Variants in MTUS2 observed in about 807,000 individuals in gnomAD.
MTUS2 encodes the protein microtubule associated scaffold protein 2.
MTUS2 carries 40 observed loss-of-function variants against 114.1 expected under a neutral mutation model. That is an observed-to-expected ratio of 0.35 (90% CI 0.27 to 0.46). The LOEUF is 0.46. Ranked by LOEUF, MTUS2 falls within the 20% of genes least tolerant of loss-of-function variation. The pLI is 1.00. For missense variants in MTUS2, 1,679 were observed against 1,705.4 expected, an observed-to-expected ratio of 0.98 and a Z score of 0.27; for synonymous variants, 688 against 672.0, an observed-to-expected ratio of 1.02 and a Z score of -0.37.
At chr13:29,190,136 T>A (rs986032109) in intron 5 of MTUS2, among the ~76,000 whole-genome samples, 2 of 152,212 alleles carry the variant, frequency 1.3e-5, no homozygotes, top group Non-Finnish European at 2.9e-5. Context: ...TAAATGTCTA[T>A]TGTTTAAACA....
rs1393257105 is a variant in MTUS2, at chr13:29,480,785, A to G, written c.3399+421A>G. 2.0e-5 allele frequency among the ~76,000 whole-genome samples: 3 copies of G among 151,594 alleles called. No individual in the cohort carries two copies. Among genetic ancestry groups the G allele is most frequent in the Non-Finnish European group, 2.9e-5 (2 of 67,934 alleles). On this transcript the variant is annotated intron_variant, in intron 10 of 15. Coordinates refer to ENST00000612955, the MANE Select transcript of MTUS2 (RefSeq NM_001033602.4). The surrounding 1 kb of genome is among the most constrained non-coding windows in gnomAD (Gnocchi z 4.4). Reference sequence around the variant, plus strand: ...CTAACACATACATTTTTGCTTTTCTACCTTATTTATCATCTTTCTATTCCA... The same window carrying G: ...CTAACACATACATTTTTGCTTTTCTGCCTTATTTATCATCTTTCTATTCCA...
intron 2 of MTUS2, among the ~76,000 whole-genome samples, chr13:28,904,248 G>A (rs1879836499): frequency 1.3e-5 from 2 of 152,168 alleles, no homozygotes; most frequent in East Asian, 3.8e-4. Flanking sequence ...TTGCTGTGCA[G>A]AAGCTCTTTA....
In MTUS2 at chr13:29,412,929, T is replaced by G. The variant is rs1875371590; in HGVS notation, c.3118-27054T>G. ...TCTCGTCTTTACCAGCTTCACAGGC[T>G]ACCCATATTCCTGGACTCATGGCCC... is the stretch of plus-strand genomic sequence containing the variant. On this transcript the variant is annotated intron_variant, in intron 8 of 15. Coordinates refer to ENST00000612955, the MANE Select transcript of MTUS2 (RefSeq NM_001033602.4). 2.0e-5 allele frequency among the ~76,000 whole-genome samples: 3 copies of G among 152,306 alleles called. No individual in the cohort carries two copies. In the South Asian group the frequency reaches 6.2e-4, roughly 32 times the overall value.
intron 2 of MTUS2, among the ~76,000 whole-genome samples, chr13:28,898,371 T>C (rs1173629005): frequency 6.6e-6 from 1 of 152,216 alleles, no homozygotes; most frequent in East Asian, 1.9e-4. Context: ...AAAACCTTTC[T>C]TGTCTCAGCT....
chr13:28,841,677 T>TG (rs398117143), intron 2 of MTUS2, among the ~76,000 whole-genome samples: 47 of 147,998 alleles, frequency 3.2e-4, no homozygotes, highest in Non-Finnish European at 4.5e-4. Flanking sequence ...TGTGTGTGTG[T>TG]TTTTTTTTGT....
chr13:29,143,836 G>A (rs977274841), intron 5 of MTUS2, among the ~76,000 whole-genome samples: 1 of 152,210 alleles, frequency 6.6e-6, no homozygotes, highest in African/African-American at 2.4e-5. Context: ...TTTTAATGAA[G>A]ATAAGTGACT....
At chr13:29,189,392 G>C (rs1018317943) in intron 5 of MTUS2, among the ~76,000 whole-genome samples, 1 of 152,054 alleles carries the variant, frequency 6.6e-6, no homozygotes, top group Non-Finnish European at 1.5e-5. Context: ...GGAGTGATAT[G>C]CTCCCATGCA....
chr13:29,319,476 C>T (rs1593297891), intron 6 of MTUS2, among the ~76,000 whole-genome samples: 1 of 152,332 alleles, frequency 6.6e-6, no homozygotes, highest in Non-Finnish European at 1.5e-5. Flanking sequence ...CCAGCTTGGG[C>T]ATCTATCGAG....
intron 2 of MTUS2, among the ~76,000 whole-genome samples, chr13:29,017,289 C>CA (rs1416944011): frequency 6.6e-6 from 1 of 152,158 alleles, no homozygotes; most frequent in Non-Finnish European, 1.5e-5. Context: ...TAAAGTTCTA[C>CA]AGGGTAACTT....
chr13:28,961,981 G>T (rs1287045481), intron 2 of MTUS2, among the ~76,000 whole-genome samples: 1 of 151,924 alleles, frequency 6.6e-6, no homozygotes, highest in African/African-American at 2.4e-5. Context: ...GATTTTGGGA[G>T]TAGAATTCTT....
At chr13:29,060,964 C>A (rs1245840715) in intron 4 of MTUS2, among the ~76,000 whole-genome samples, 1 of 151,970 alleles carries the variant, frequency 6.6e-6, no homozygotes, top group Non-Finnish European at 1.5e-5. Flanking sequence ...CCACGCCTGG[C>A]TAATTTTTGT....
intron 5 of MTUS2, among the ~76,000 whole-genome samples, chr13:29,234,107 G>T (rs1459084914): frequency 6.6e-6 from 1 of 152,140 alleles, no homozygotes; most frequent in Non-Finnish European, 1.5e-5. Context: ...ATAGCTTCCA[G>T]TCCCTCTTCC....
chr13:28,899,344 A>C lies in MTUS2; in HGVS notation c.-243+59494A>C, dbSNP rs145441945. Among the ~76,000 whole-genome samples, 816 of 152,320 alleles carry C rather than the reference A, an allele frequency of 5.4e-3. 13 individuals are homozygous for C. Among genetic ancestry groups the C allele is most frequent in the African/African-American group, 0.019 (786 of 41,572 alleles). On this transcript the variant is annotated intron_variant, in intron 2 of 15. Coordinates refer to ENST00000612955, the MANE Select transcript of MTUS2 (RefSeq NM_001033602.4). ...TAGCCAACTCTTGTGCCAATCACCA[A>C]ATTTTGGCCAAAGGTGGCCAGCTGT...
intron 9 of MTUS2, among the ~76,000 whole-genome samples, chr13:29,470,883 T>C (rs796672321): frequency 5.3e-5 from 8 of 152,326 alleles, no homozygotes; most frequent in African/African-American, 1.9e-4. Flanking sequence ...TCCCCATCTC[T>C]CCACATTCTT....
chr13:28,854,456 C>T (rs1305043578), intron 2 of MTUS2, among the ~76,000 whole-genome samples: 2 of 152,156 alleles, frequency 1.3e-5, no homozygotes, highest in Non-Finnish European at 2.9e-5. Context: ...TAAGGGTTGT[C>T]TGAATGTGAA....
chr13:29,120,133 T>C (rs1013493936), intron 5 of MTUS2, among the ~76,000 whole-genome samples: 1 of 152,050 alleles, frequency 6.6e-6, no homozygotes, highest in African/African-American at 2.4e-5. Context: ...TAGTAATACA[T>C]AGAGTATTGG....
At chr13:29,188,118 A>G (rs1024424379) in intron 5 of MTUS2, among the ~76,000 whole-genome samples, 5 of 152,160 alleles carry the variant, frequency 3.3e-5, no homozygotes, top group African/African-American at 1.2e-4. Flanking sequence ...AGGAATCTGT[A>G]ATTTTATCAA....
chr13:29,179,241 A>C (rs1893898687), intron 5 of MTUS2, among the ~76,000 whole-genome samples: 1 of 152,260 alleles, frequency 6.6e-6, no homozygotes, highest in South Asian at 2.1e-4. Flanking sequence ...GTAAGAAAAG[A>C]AAACACATCT....
At chr13:28,926,055 C>T (rs960037778) in intron 2 of MTUS2, among the ~76,000 whole-genome samples, 9 of 152,200 alleles carry the variant, frequency 5.9e-5, no homozygotes, top group Non-Finnish European at 1.3e-4. Flanking sequence ...GCTTCAGCCT[C>T]TTCTGATCAC....
Sources: allele counts gnomAD v4.1 joint callset (sites outside exome capture counted in the v4.1 genomes callset), GRCh38; gene constraint gnomAD v4.1.1; non-coding constraint Gnocchi (gnomAD v3.1); transcripts MANE v1.5; gene names NCBI Gene and HGNC (gene_info 2026-07-23, HGNC 2026-07-21).